Variants in FHOD3 observed in about 807,000 individuals in gnomAD.
FHOD3 encodes the protein formin homology 2 domain containing 3, also known as FH1/FH2 domain-containing protein 3.
In FHOD3, 90 loss-of-function variants were observed where a neutral mutation model predicts 173.0. The ratio of observed to expected loss-of-function variants is 0.52; its 90% CI spans 0.44 to 0.62. The LOEUF is 0.62. FHOD3 is among the 20% of genes least tolerant of loss of function. The pLI, the probability that FHOD3 is intolerant of heterozygous loss-of-function variation, is 0.00. For synonymous variants in FHOD3, 828 were observed against 823.0 expected, an observed-to-expected ratio of 1.01 and a Z score of -0.10; for missense variants, 1,945 against 2,034.7, an observed-to-expected ratio of 0.96 and a Z score of 0.85.
chr18:36,465,677 G>A (rs2052874365), intron 3 of FHOD3, among the ~76,000 whole-genome samples: 1 of 152,068 alleles, frequency 6.6e-6, no homozygotes, highest in African/African-American at 2.4e-5. Flanking sequence ...TTAAACCAAG[G>A]ATCCTAAGTA....
At chr18:36,351,951 G>A (rs2046146046) in intron 1 of FHOD3, among the ~76,000 whole-genome samples, 1 of 152,182 alleles carries the variant, frequency 6.6e-6, no homozygotes, top group South Asian at 2.1e-4. Flanking sequence ...AGACTGATAA[G>A]CCTGGGTAAG....
intron 16 of FHOD3, 185 bp from the exon 17 acceptor site, chr18:36,693,024 G>A: frequency 1.6e-6 from 1 of 623,772 alleles, no homozygotes; most frequent in Non-Finnish European, 2.8e-6. Context: ...AGTGACGTGG[G>A]ATTTTTAATC....
chr18:36,648,371 A>G (rs1388686464), intron 10 of FHOD3, among the ~76,000 whole-genome samples: 6 of 152,228 alleles, frequency 3.9e-5, no homozygotes, highest in African/African-American at 1.2e-4. Context: ...CATGTGGACC[A>G]TGACCACATA....
At chr18:36,485,006 C>T (rs1444297052) in intron 3 of FHOD3, among the ~76,000 whole-genome samples, 3 of 152,134 alleles carry the variant, frequency 2.0e-5, no homozygotes, top group Non-Finnish European at 2.9e-5. Context: ...ACTTCATTCC[C>T]GGTGATCACG....
chr18:36,540,694 G>A (rs2057173951), intron 5 of FHOD3, among the ~76,000 whole-genome samples: 1 of 152,072 alleles, frequency 6.6e-6, no homozygotes, highest in African/African-American at 2.4e-5. Context: ...GAAAAGGAAG[G>A]GTGATTGACT....
chr18:36,587,545 A>G (rs1420345469), intron 6 of FHOD3, among the ~76,000 whole-genome samples: 1 of 152,146 alleles, frequency 6.6e-6, no homozygotes, highest in East Asian at 1.9e-4. Flanking sequence ...TAATCCTAGC[A>G]CTTTGGGAGG....
intron 19 of FHOD3, among the ~76,000 whole-genome samples, chr18:36,724,370 GA>G (rs1051490634): frequency 3.3e-5 from 5 of 152,214 alleles, no homozygotes; most frequent in African/African-American, 1.2e-4. Context: ...GCTGGTTCTA[GA>G]AAGCGGACTC....
intron 18 of FHOD3, chr18:36,711,429 A>G (rs1391959456): frequency 6.6e-6 from 1 of 152,230 alleles, no homozygotes; most frequent in Admixed American, 6.5e-5. Context: ...TAGGGCATGC[A>G]TGTGAGAAGC....
intron 17 of FHOD3, among the ~76,000 whole-genome samples, chr18:36,696,638 C>T (rs911450282): frequency 2.6e-5 from 4 of 152,146 alleles, no homozygotes; most frequent in Admixed American, 2.6e-4. Context: ...GAATGATGCC[C>T]CTAATCCCCA....
At chr18:36,735,145 A>T (rs1006737772) in intron 20 of FHOD3, among the ~76,000 whole-genome samples, 1 of 152,116 alleles carries the variant, frequency 6.6e-6, no homozygotes, top group African/African-American at 2.4e-5. Context: ...AGAGGGTAGC[A>T]CAATTGAATG....
intron 20 of FHOD3, among the ~76,000 whole-genome samples, chr18:36,733,427 T>G (rs1196629384): frequency 6.6e-6 from 1 of 152,166 alleles, no homozygotes; most frequent in Non-Finnish European, 1.5e-5. Flanking sequence ...GCTACAAAGA[T>G]AGCCAGAGCC....
intron 3 of FHOD3, among the ~76,000 whole-genome samples, chr18:36,432,696 C>A (rs1181392227): frequency 6.6e-6 from 1 of 152,228 alleles, no homozygotes; most frequent in Non-Finnish European, 1.5e-5. Context: ...TCACTGTCAA[C>A]TGCAGAGGAC....
At chr18:36,646,160 T>C (rs1467111627) in intron 10 of FHOD3, among the ~76,000 whole-genome samples, 1 of 152,150 alleles carries the variant, frequency 6.6e-6, no homozygotes, top group East Asian at 1.9e-4. Context: ...ACAGAGGAAG[T>C]CTAAAAGAAG....
chr18:36,626,377 T>C (rs1235741657), intron 10 of FHOD3, among the ~76,000 whole-genome samples: 1 of 152,094 alleles, frequency 6.6e-6, no homozygotes, highest in Non-Finnish European at 1.5e-5. Context: ...AGACCGAGAA[T>C]GGTAGATAGA....
At chr18:36,411,238 C>G (rs1173208369) in intron 3 of FHOD3, among the ~76,000 whole-genome samples, 2 of 152,092 alleles carry the variant, frequency 1.3e-5, no homozygotes, top group African/African-American at 4.8e-5. Flanking sequence ...GTTGTAGCAC[C>G]ATTTGTTGAA....
intron 3 of FHOD3, among the ~76,000 whole-genome samples, chr18:36,443,800 C>T (rs2051293740): frequency 6.6e-6 from 1 of 152,148 alleles, no homozygotes; most frequent in African/African-American, 2.4e-5. Context: ...ACTGATGTGA[C>T]CTATTTTAAT....
At chr18:36,302,019 G>C (rs1034719255) in intron 1 of FHOD3, among the ~76,000 whole-genome samples, 1 of 152,244 alleles carries the variant, frequency 6.6e-6, no homozygotes, top group African/African-American at 2.4e-5. Flanking sequence ...CGAGGGCCAA[G>C]TACTGATACT....
At chr18:36,602,230 G>A (rs951679496) in intron 7 of FHOD3, among the ~76,000 whole-genome samples, 3 of 152,164 alleles carry the variant, frequency 2.0e-5, no homozygotes, top group Non-Finnish European at 2.9e-5. Flanking sequence ...TGCTAGACAG[G>A]CATGTCACTT....
intron 17 of FHOD3, among the ~76,000 whole-genome samples, chr18:36,701,423 T>G (rs1181766135): frequency 6.6e-6 from 1 of 152,198 alleles, no homozygotes; most frequent in African/African-American, 2.4e-5. Context: ...TGCTTCTTTT[T>G]TATCCTGTAT....
Sources: gnomAD v4.1 joint callset for allele counts (sites outside exome capture counted in the v4.1 genomes callset) on GRCh38, gnomAD v4.1.1 for gene constraint, MANE v1.5 for transcripts, NCBI Gene and HGNC (gene_info 2026-07-23, HGNC 2026-07-21) for gene names.